Variants in CYTH3 observed in about 807,000 individuals in gnomAD.
CYTH3 encodes the protein cytohesin-3.
Under a neutral mutation model 55.1 loss-of-function variants are expected in CYTH3, and 23 were observed. The ratio of observed to expected loss-of-function variants is 0.42; its 90% CI spans 0.30 to 0.59. CYTH3 has a LOEUF of 0.59. Ranked by LOEUF, CYTH3 falls within the 20% of genes least tolerant of loss-of-function variation. The pLI is 0.20. For synonymous variants in CYTH3, 249 were observed against 194.9 expected (o/e 1.28, Z -2.31); for missense variants, 413 against 524.8 (o/e 0.79, Z 2.08).
chr7:6,218,251 A>C (rs974239123), intron 1 of CYTH3, among the ~76,000 whole-genome samples: 65 of 152,334 alleles, frequency 4.3e-4, no homozygotes, highest in African/African-American at 1.5e-3. Flanking sequence ...GCAATAAAAA[A>C]TGTCCATATA....
intron 1 of CYTH3, among the ~76,000 whole-genome samples, chr7:6,190,992 G>A (rs539973167): frequency 2.0e-5 from 3 of 152,036 alleles, no homozygotes; most frequent in African/African-American, 7.2e-5. Flanking sequence ...CAGGAGAACT[G>A]CTTGAACCCA....
At chr7:6,222,547 C>T (rs1183237419) in intron 1 of CYTH3, among the ~76,000 whole-genome samples, 1 of 152,060 alleles carries the variant, frequency 6.6e-6, no homozygotes, top group African/African-American at 2.4e-5. Flanking sequence ...GAGATGGAGA[C>T]CATCCTGGTT....
At chr7:6,232,871 C>A (rs1241831147) in intron 1 of CYTH3, among the ~76,000 whole-genome samples, 1 of 152,138 alleles carries the variant, frequency 6.6e-6, no homozygotes, top group Non-Finnish European at 1.5e-5. Flanking sequence ...CAACTAGGAG[C>A]CCTGAGTTTA....
chr7:6,171,342 C>A lies in CYTH3; in HGVS notation c.450-28G>T, dbSNP rs1366957611. 5.0e-6 allele frequency: 8 copies of A among 1,609,090 alleles called. No homozygotes were observed. The highest frequency in any genetic ancestry group is 6.8e-6 in the Non-Finnish European group (8 of 1,175,910). On this transcript the variant is annotated intron_variant, in intron 6 of 12. Transcript: ENST00000350796. The surrounding 1 kb of genome is among the most constrained non-coding windows in gnomAD (Gnocchi z 6.7). ...GTGGAGACACCAAAGCCATGGGAAGCCGCATCAGAACCAACACCGCCTCAC... is the reference window on the plus strand; with the variant it reads ...GTGGAGACACCAAAGCCATGGGAAGACGCATCAGAACCAACACCGCCTCAC...
chr7:6,175,046 G>A (rs1207579697), intron 5 of CYTH3, among the ~76,000 whole-genome samples: 2 of 152,202 alleles, frequency 1.3e-5, no homozygotes, highest in African/African-American at 4.8e-5. Flanking sequence ...GACTGAATCA[G>A]TATGATAACT....
rs1779922253 is a variant in CYTH3, at chr7:6,250,051, G to A, written c.34+22423C>T. Among the ~76,000 whole-genome samples the A allele has an allele frequency of 2.0e-5, 3 of 152,122 alleles. No individual in the cohort carries two copies. In the South Asian group the frequency reaches 6.2e-4, roughly 32 times the overall value. ...CAGTCTCTTCCCTGTCATTTGTCGA[G>A]ATTTTGGGGTGAACAGGGGATGGAA... On this transcript the variant is annotated intron_variant, in intron 1 of 12. Transcript: ENST00000350796.
At chr7:6,244,226 GA>G (rs974940741) in intron 1 of CYTH3, among the ~76,000 whole-genome samples, 10 of 152,030 alleles carry the variant, frequency 6.6e-5, no homozygotes, top group East Asian at 1.9e-4. Flanking sequence ...AGCCTGGGGG[GA>G]AAAAAACAGG....
chr7:6,251,406 G>T (rs184697386), intron 1 of CYTH3, among the ~76,000 whole-genome samples: 3 of 151,828 alleles, frequency 2.0e-5, no homozygotes, highest in African/African-American at 7.3e-5. Flanking sequence ...TTTCTTGAAG[G>T]GCTACAAAAG....
At chr7:6,196,942 G>C (rs147520452) in intron 1 of CYTH3, among the ~76,000 whole-genome samples, 420 of 152,224 alleles carry the variant, frequency 2.8e-3, no homozygotes, top group African/African-American at 9.7e-3. Context: ...GCCTGCAAGG[G>C]GAGAGCTTTA....
intron 1 of CYTH3, among the ~76,000 whole-genome samples, chr7:6,232,645 T>C (rs1779416008): frequency 6.6e-6 from 1 of 152,160 alleles, no homozygotes; most frequent in East Asian, 1.9e-4. Context: ...GCCAGGACTG[T>C]AGCAGTGGTG....
At chr7:6,263,148 G>A (rs77857481) in intron 1 of CYTH3, among the ~76,000 whole-genome samples, 2 of 151,976 alleles carry the variant, frequency 1.3e-5, no homozygotes, top group South Asian at 4.1e-4. Flanking sequence ...GCTCACTTAC[G>A]AGAAACCTTC....
At chr7:6,214,201 C>G (rs1237115935) in intron 1 of CYTH3, among the ~76,000 whole-genome samples, 1 of 152,168 alleles carries the variant, frequency 6.6e-6, no homozygotes, top group Non-Finnish European at 1.5e-5. Context: ...ATAAAGCACA[C>G]ACAGTGAAAG....
At chr7:6,266,242 C>A (rs1017284319) in intron 1 of CYTH3, among the ~76,000 whole-genome samples, 1 of 152,100 alleles carries the variant, frequency 6.6e-6, no homozygotes, top group Non-Finnish European at 1.5e-5. Context: ...GTTGAGAATA[C>A]GGATTCTGAA....
chr7:6,244,422 C>T (rs1011052793), intron 1 of CYTH3, among the ~76,000 whole-genome samples: 5 of 152,152 alleles, frequency 3.3e-5, no homozygotes, highest in East Asian at 3.8e-4. Context: ...AATCCAAAAA[C>T]AAACTGAAAG....
chr7:6,196,302 G>T (rs922671357), intron 1 of CYTH3, among the ~76,000 whole-genome samples: 1 of 152,102 alleles, frequency 6.6e-6, no homozygotes, highest in Non-Finnish European at 1.5e-5. Flanking sequence ...TGAGAAGTAG[G>T]AAAGAATGAA....
intron 5 of CYTH3, among the ~76,000 whole-genome samples, chr7:6,174,507 C>G (rs1240381158): frequency 6.7e-6 from 1 of 149,154 alleles, no homozygotes; most frequent in African/African-American, 2.5e-5. Flanking sequence ...TTACGGCCAG[C>G]CTAATGGGTG....
At chr7:6,263,769 G>C (rs965702983) in intron 1 of CYTH3, among the ~76,000 whole-genome samples, 2 of 150,436 alleles carry the variant, frequency 1.3e-5, no homozygotes, top group Admixed American at 6.6e-5. Flanking sequence ...CTGCACTCCA[G>C]CCTGGGAAAC....
At chr7:6,211,923 T>C (rs546860292) in intron 1 of CYTH3, among the ~76,000 whole-genome samples, 1 of 152,262 alleles carries the variant, frequency 6.6e-6, no homozygotes, top group African/African-American at 2.4e-5. Flanking sequence ...GAGGTGAAGG[T>C]TGCAGTGAGC....
chr7:6,270,409 T>C (rs1199822924), intron 1 of CYTH3, among the ~76,000 whole-genome samples: 1 of 152,230 alleles, frequency 6.6e-6, no homozygotes, highest in Non-Finnish European at 1.5e-5. Context: ...TAAATCTTCA[T>C]TGTTGAATGT....
Sources: allele counts gnomAD v4.1 joint callset (sites outside exome capture counted in the v4.1 genomes callset), GRCh38; gene constraint gnomAD v4.1.1; non-coding constraint Gnocchi (gnomAD v3.1); transcripts MANE v1.5; gene names NCBI Gene and HGNC (gene_info 2026-07-23, HGNC 2026-07-21).